The following DAGLA variants were observed in gnomAD, a reference collection of about 807,000 sequenced individuals.
The protein encoded by DAGLA is diacylglycerol lipase alpha, also known as diacylglycerol lipase-alpha.
DAGLA carries 22 observed loss-of-function variants against 102.6 expected under a neutral mutation model. The observed-to-expected ratio is 0.21, with a 90% confidence interval of 0.15 to 0.31. The LOEUF is 0.31. DAGLA is among the 10% of genes least tolerant of loss of function. The pLI, the probability that DAGLA is intolerant of heterozygous loss-of-function variation, is 1.00. For missense variants in DAGLA, 927 were observed against 1,446.6 expected (o/e 0.64, Z 5.83); for synonymous variants, 578 against 628.9 (o/e 0.92, Z 1.21).
At chr11:61,710,334 G>A (rs1418501448) in intron 1 of DAGLA, among the ~76,000 whole-genome samples, 2 of 151,818 alleles carry the variant, frequency 1.3e-5, no homozygotes, top group Non-Finnish European at 2.9e-5. Flanking sequence ...AGCTGGAAGG[G>A]CAGATGGGCT....
chr11:61,722,515 G>A (rs1007632703), intron 3 of DAGLA, among the ~76,000 whole-genome samples: 1 of 152,208 alleles, frequency 6.6e-6, no homozygotes, highest in Non-Finnish European at 1.5e-5. Flanking sequence ...GAACCCAGGA[G>A]GCAGAGGTTG....
At chr11:61,682,853 G>GA (rs201936572) in intron 1 of DAGLA, among the ~76,000 whole-genome samples, 3 of 150,822 alleles carry the variant, frequency 2.0e-5, no homozygotes, top group Non-Finnish European at 3.0e-5. Flanking sequence ...CAGGGGGACG[G>GA]GGGGGGGAGG....
At chr11:61,723,049 G>C (rs556681535) in intron 4 of DAGLA, 89 bp downstream of exon 4, 1 of 1,126,758 alleles carries the variant, frequency 8.9e-7, no homozygotes, top group East Asian at 2.4e-5. Flanking sequence ...CTTGGGCATT[G>C]CCAGAGGGCA....
At position 61,744,537 on chromosome 11, in the gene DAGLA, T is replaced by A; in HGVS notation, c.*48T>A. On this transcript the variant is annotated 3_prime_UTR_variant, in exon 20 of 20. Coordinates refer to ENST00000257215, the MANE Select transcript of DAGLA (RefSeq NM_006133.3). ...GGGCCCAGGCAGGAGCAGGTGGCCC[T>A]GTGGGCACCTGGTGCCTGCCCCCTG... is the stretch of plus-strand genomic sequence containing the variant. 6.9e-7 allele frequency: 1 copy of A among 1,458,894 alleles called. No homozygotes were observed. The highest frequency in any genetic ancestry group is 9.2e-7 in the Non-Finnish European group (1 of 1,085,270). The allele number at this position is 1,458,894 out of a possible 1,614,324, so 90.4% of individuals were successfully genotyped here.
chr11:61,692,798 C>T (rs1425194708), intron 1 of DAGLA, among the ~76,000 whole-genome samples: 1 of 151,672 alleles, frequency 6.6e-6, no homozygotes, highest in Non-Finnish European at 1.5e-5. Context: ...TTCCGTACAT[C>T]TTGTATGTGG....
At chr11:61,700,373 C>T (rs371534761) in intron 1 of DAGLA, among the ~76,000 whole-genome samples, 5 of 148,270 alleles carry the variant, frequency 3.4e-5, no homozygotes, top group African/African-American at 1.3e-4. Context: ...CTGACCTTCT[C>T]TTCACCCTCT....
intron 1 of DAGLA, among the ~76,000 whole-genome samples, chr11:61,691,478 G>A (rs1306801218): frequency 6.6e-6 from 1 of 152,210 alleles, no homozygotes; most frequent in Non-Finnish European, 1.5e-5. Context: ...TCTTCCGCCC[G>A]AGTTCCCACT....
chr11:61,702,289 T>A (rs1591030235), intron 1 of DAGLA, among the ~76,000 whole-genome samples: 1 of 152,162 alleles, frequency 6.6e-6, no homozygotes, highest in African/African-American at 2.4e-5. Context: ...AACTTAGTTC[T>A]GACAGATTTC....
intron 1 of DAGLA, among the ~76,000 whole-genome samples, chr11:61,707,654 C>T (rs2065160337): frequency 6.6e-6 from 1 of 152,252 alleles, no homozygotes; most frequent in Admixed American, 6.5e-5. Context: ...TGAAGGCCAG[C>T]TGGGACAGGC....
At chr11:61,723,291 TG>T in intron 4 of DAGLA, 142 bp from the exon 5 acceptor site, 1 of 1,207,296 alleles carries the variant, frequency 8.3e-7, no homozygotes, top group Non-Finnish European at 1.2e-6. Context: ...GGCCAGAGAC[TG>T]GGACCAGGGG....
rs760168097 is a variant in DAGLA at position 61,739,618 on chromosome 11, C to A, written c.1810C>A (p.Arg604Ser). The A allele has an allele frequency of 6.2e-7, 1 of 1,614,104 alleles. No homozygotes were observed. Among genetic ancestry groups the A allele is most frequent in the East Asian group, 2.2e-5 (1 of 44,880 alleles). Residue 604 changes from arginine (R) to serine (S), a missense_variant, in exon 17 of 20, where the codon CGC (arginine) becomes AGC (serine). Physicochemically the swap from Arg to Ser is moderately radical, Grantham distance 110. Transcript: ENST00000257215. ...CAGCACTCCACTCTACCCGCCCGGCCGCATCATCCACGTGGTCCACAACCA... is the reference window on the plus strand; with the variant it reads ...CAGCACTCCACTCTACCCGCCCGGCAGCATCATCCACGTGGTCCACAACCA... ...SASTPLYPPGRIIHVVHNHPA... is the reference protein window; with the variant it reads ...SASTPLYPPGSIIHVVHNHPA...
At chr11:61,719,434 T>C (rs533156753) in intron 1 of DAGLA, among the ~76,000 whole-genome samples, 1 of 152,296 alleles carries the variant, frequency 6.6e-6, no homozygotes, top group East Asian at 1.9e-4. Flanking sequence ...CCTGGAGGCA[T>C]AGCTGTGGTG....
In DAGLA at chr11:61,741,144, C is replaced by T. The variant is rs1308735661; in HGVS notation, c.1984-18C>T. On this transcript the variant is annotated intron_variant, in intron 18 of 19. Transcript: ENST00000257215. ...GATGTCCCTCCACCACCCCCAGCCT[C>T]CTCTGTCCTGTCCTCAGGTGCTGGA... The T allele has an allele frequency of 1.2e-6, 2 of 1,605,054 alleles. No individual in the cohort carries two copies. Among genetic ancestry groups the T allele is most frequent in the East Asian group, 2.2e-5 (1 of 44,792 alleles).
At chr11:61,680,613 G>T in intron 1 of DAGLA, 109 bp downstream of exon 1, 1 of 149,654 alleles carries the variant, frequency 6.7e-6, no homozygotes, top group South Asian at 1.9e-4. Flanking sequence ...CCGACGGGTC[G>T]GCGGGCGGAG....
At chr11:61,737,107 G>A in intron 13 of DAGLA, 75 bp from the exon 14 acceptor site, 1 of 1,591,364 alleles carries the variant, frequency 6.3e-7, no homozygotes, top group Non-Finnish European at 8.6e-7. Flanking sequence ...AAGACCCTCT[G>A]CCTCCCTTGG....
intron 16 of DAGLA, among the ~76,000 whole-genome samples, chr11:61,738,740 G>A (rs1413386548): frequency 2.6e-5 from 4 of 152,184 alleles, no homozygotes; most frequent in African/African-American, 7.2e-5. Flanking sequence ...GTGGCCAGGT[G>A]GGGGTGGGGA....
At position 61,740,678 on chromosome 11, in the gene DAGLA, C is replaced by T. The variant is rs530749578; in HGVS notation, c.1983+86C>T. On this transcript the variant is annotated intron_variant, in intron 18 of 19. Coordinates refer to ENST00000257215, the MANE Select transcript of DAGLA (RefSeq NM_006133.3). ...CCGTAAGCACCATCAGATCACTGCCCGATTTTACAGACAAGGGTGCTGGGG... is the reference window on the plus strand; with the variant it reads ...CCGTAAGCACCATCAGATCACTGCCTGATTTTACAGACAAGGGTGCTGGGG... The T allele has an allele frequency of 2.5e-5, 39 of 1,533,034 alleles. No homozygotes were observed. The South Asian group carries it at 2.9e-4, about 11-fold the overall frequency. The allele number at this position is 1,533,034 out of a possible 1,614,324, so 95.0% of individuals were successfully genotyped here.
chr11:61,736,393 C>G (rs1438745380), intron 13 of DAGLA, 43 bp downstream of exon 13: 2 of 1,498,408 alleles, frequency 1.3e-6, no homozygotes, highest in South Asian at 2.3e-5. Context: ...ACACCTGGGT[C>G]CCCCTCCTCC....
In DAGLA at chr11:61,729,061, C is replaced by T. The variant is rs2065354169; in HGVS notation, c.849+53C>T. 9 of 1,505,626 alleles carry T rather than the reference C, an allele frequency of 6.0e-6. No individual in the cohort carries two copies. The Admixed American group carries it at 1.0e-4, about 17-fold the overall frequency. 93.3% of individuals were successfully genotyped at this position (1,505,626 alleles called of 1,614,324 possible). A position where few individuals can be genotyped will look rare whatever the true frequency, so the allele number is the denominator to read the frequency against. ...CCCCGTCCCCATCCCTCCCACTCTG[C>T]CACAATGACCTAAGCAAACTCCTCC... On this transcript the variant is annotated intron_variant, in intron 8 of 19. Coordinates refer to ENST00000257215, the MANE Select transcript of DAGLA (RefSeq NM_006133.3).
Sources: allele counts gnomAD v4.1 joint callset (sites outside exome capture counted in the v4.1 genomes callset), GRCh38; gene constraint gnomAD v4.1.1; transcripts MANE v1.5; gene names NCBI Gene and HGNC (gene_info 2026-07-23, HGNC 2026-07-21).